Variants in COMMD7 observed in about 807,000 individuals in gnomAD.
COMMD7 encodes the protein COMM domain containing 7, also known as COMM domain-containing protein 7.
A neutral mutation model predicts 34.8 loss-of-function variants in COMMD7; 28 were observed. The observed-to-expected ratio is 0.80, with a 90% CI of 0.60 to 1.10. COMMD7 has a LOEUF of 1.10. COMMD7 is among the 50% of genes least tolerant of loss of function. The pLI, the probability that COMMD7 is intolerant of heterozygous loss-of-function variation, is 0.00. For synonymous variants in COMMD7, 80 were observed against 86.4 expected, an observed-to-expected ratio of 0.93 and a Z score of 0.41; for missense variants, 211 against 241.6, an observed-to-expected ratio of 0.87 and a Z score of 0.84.
At chr20:32,741,879 T>C (rs940738054) in intron 1 of COMMD7, among the ~76,000 whole-genome samples, 9 of 152,154 alleles carry the variant, frequency 5.9e-5, no homozygotes, top group Non-Finnish European at 1.2e-4. Flanking sequence ...AAATAAACTC[T>C]AGGATGCTTG....
chr20:32,730,752 A>G (rs201188565), intron 1 of COMMD7, among the ~76,000 whole-genome samples: 16 of 152,244 alleles, frequency 1.1e-4, no homozygotes, highest in African/African-American at 2.9e-4. Flanking sequence ...ACAGCTTCCA[A>G]TACTAACAGT....
chr20:32,722,246 GAAAAAAAAAAAA>G (rs747223357), intron 3 of COMMD7, among the ~76,000 whole-genome samples: 3 of 37,026 alleles, frequency 8.1e-5, no homozygotes, highest in Non-Finnish European at 1.3e-4. Flanking sequence ...ACTCTGTCTC[GAAAAAAAAAAAA>G]AAAAAAAAAA....
chr20:32,721,695 C>G (rs1208772679), intron 3 of COMMD7, among the ~76,000 whole-genome samples: 2 of 152,170 alleles, frequency 1.3e-5, no homozygotes, highest in African/African-American at 4.8e-5. Flanking sequence ...GCCTGACCAA[C>G]ATGGAGAAAC....
intron 1 of COMMD7, among the ~76,000 whole-genome samples, chr20:32,736,129 G>A (rs1163579210): frequency 6.6e-6 from 1 of 152,120 alleles, no homozygotes; most frequent in African/African-American, 2.4e-5. Flanking sequence ...AGTCCTACCA[G>A]GTTTAGTGGC....
At chr20:32,706,544 T>C in intron 5 of COMMD7, 39 bp downstream of exon 5, 1 of 1,476,344 alleles carries the variant, frequency 6.8e-7, no homozygotes, top group Non-Finnish European at 9.3e-7. Flanking sequence ...AAGCAAGGGA[T>C]CTTAATCAGC....
chr20:32,733,150 G>A (rs1985937645), intron 1 of COMMD7, among the ~76,000 whole-genome samples: 1 of 151,698 alleles, frequency 6.6e-6, no homozygotes, highest in Admixed American at 6.6e-5. Context: ...AGGAGGCGGA[G>A]GCTACAGCAA....
intron 8 of COMMD7, chr20:32,703,712 T>C (rs1000314021): frequency 1.4e-4 from 198 of 1,445,374 alleles, no homozygotes; most frequent in Non-Finnish European, 1.7e-4. Flanking sequence ...AAGGGTATCA[T>C]TCGGGATGTT....
rs1413034345 is a variant in COMMD7 at position 32,727,934 on chromosome 20, G to A, written c.200C>T (p.Ser67Phe). The A allele has an allele frequency of 6.2e-7, 1 of 1,613,996 alleles. No homozygotes were observed. Among genetic ancestry groups the A allele is most frequent in the African/African-American group, 1.3e-5 (1 of 74,912 alleles). Reference sequence around the variant, plus strand: ...GAGGCTTTTCACGATGCTTCTGAGGGAGCCAAGACTGATCTGATTGGTGGT... The same window carrying A: ...GAGGCTTTTCACGATGCTTCTGAGGAAGCCAAGACTGATCTGATTGGTGGT... The part of the protein sequence containing the change: ...FATTNQISLG[S>F]LRSIVKSLLL... The change falls in exon 3 of 9, where the codon TCC (serine) becomes TTC (phenylalanine). Residue 67 changes from serine to phenylalanine, a missense_variant. Ser to Phe is a radical substitution (Grantham distance 155). Coordinates refer to ENST00000278980, the MANE Select transcript of COMMD7 (RefSeq NM_053041.3).
intron 8 of COMMD7, chr20:32,703,755 C>G: frequency 6.8e-7 from 1 of 1,474,960 alleles, no homozygotes; most frequent in Non-Finnish European, 8.9e-7. Flanking sequence ...GCTTCTTGCT[C>G]GTCAACCTTC....
intron 1 of COMMD7, among the ~76,000 whole-genome samples, chr20:32,736,420 C>T (rs1986130325): frequency 1.3e-5 from 2 of 152,162 alleles, no homozygotes; most frequent in South Asian, 4.1e-4. Context: ...CCTGTAATCC[C>T]AGCACTTTGG....
intron 1 of COMMD7, among the ~76,000 whole-genome samples, chr20:32,730,062 A>G (rs1419608781): frequency 6.6e-6 from 1 of 152,048 alleles, no homozygotes; most frequent in African/African-American, 2.4e-5. Flanking sequence ...CCAGTCTATG[A>G]TATTTTGCCT....
chr20:32,738,642 G>C (rs552434101), intron 1 of COMMD7, among the ~76,000 whole-genome samples: 1 of 152,226 alleles, frequency 6.6e-6, no homozygotes, highest in East Asian at 1.9e-4. Context: ...GGCTAGTCTT[G>C]AACTCCTGGC....
intron 3 of COMMD7, among the ~76,000 whole-genome samples, 160 bp downstream of exon 3, chr20:32,727,733 C>T (rs943602587): frequency 1.3e-5 from 2 of 152,100 alleles, no homozygotes; most frequent in East Asian, 1.9e-4. Flanking sequence ...ACTATGTTCA[C>T]CTGTTACGTG....
rs1331306996 is a variant in COMMD7 at position 32,704,978 on chromosome 20, C to A, written c.337-74G>T. 4 of 1,063,014 alleles carry A rather than the reference C, an allele frequency of 3.8e-6. No individual in the cohort carries two copies. In the African/African-American group the frequency reaches 4.7e-5, roughly 12 times the overall value. 65.8% of individuals were successfully genotyped at this position (1,063,014 alleles called of 1,614,324 possible). ...CCTCTCCATCCTGCCCTAAACATTGCAATATTTAGCATTGACACAGATAGT... is the reference window on the plus strand; with the variant it reads ...CCTCTCCATCCTGCCCTAAACATTGAAATATTTAGCATTGACACAGATAGT... On this transcript the variant is annotated intron_variant, in intron 5 of 8. Coordinates refer to ENST00000278980, the MANE Select transcript of COMMD7 (RefSeq NM_053041.3).
chr20:32,708,693 A>C (rs1984242906), intron 3 of COMMD7, among the ~76,000 whole-genome samples: 1 of 108,394 alleles, frequency 9.2e-6, no homozygotes, highest in Non-Finnish European at 1.7e-5. Flanking sequence ...ACACGGTTTC[A>C]CTCTATCGCC....
chr20:32,703,289 C>T lies in COMMD7; in HGVS notation c.*93G>A, dbSNP rs1386247198. On this transcript the variant is annotated 3_prime_UTR_variant, in exon 9 of 9. Coordinates refer to ENST00000278980, the MANE Select transcript of COMMD7 (RefSeq NM_053041.3). ...AGCCAGCAGGGCCCCATGGAGCATC[C>T]CACAGGCCTGTGAGTGAAGTGCCTC... is the stretch of plus-strand genomic sequence containing the variant. 2.5e-6 allele frequency: 3 copies of T among 1,179,228 alleles called. No individual in the cohort carries two copies. In the African/African-American group the frequency reaches 4.6e-5, roughly 18 times the overall value. 73.0% of individuals were successfully genotyped at this position (1,179,228 alleles called of 1,614,324 possible).
chr20:32,718,832 T>C (rs1984975544), intron 3 of COMMD7, among the ~76,000 whole-genome samples: 1 of 151,738 alleles, frequency 6.6e-6, no homozygotes, highest in Non-Finnish European at 1.5e-5. Context: ...GCTTCACAGA[T>C]ACTGGTTAAG....
chr20:32,714,067 C>A (rs111351542), intron 3 of COMMD7, among the ~76,000 whole-genome samples: 2 of 151,942 alleles, frequency 1.3e-5, no homozygotes, highest in African/African-American at 4.8e-5. Context: ...GAGCCGAGAT[C>A]GTGCCACTGC....
At chr20:32,734,685 C>T (rs1271542847) in intron 1 of COMMD7, among the ~76,000 whole-genome samples, 3 of 151,712 alleles carry the variant, frequency 2.0e-5, no homozygotes, top group East Asian at 2.0e-4. Context: ...CCCAGCACTT[C>T]GGGAGGCCGA....
Sources: gnomAD v4.1 joint callset for allele counts (sites outside exome capture counted in the v4.1 genomes callset) on GRCh38, gnomAD v4.1.1 for gene constraint, MANE v1.5 for transcripts, NCBI Gene and HGNC (gene_info 2026-07-23, HGNC 2026-07-21) for gene names.